The following ZNF423 variants were observed in gnomAD, a reference collection of about 807,000 sequenced individuals.
The protein encoded by ZNF423 is Ebf-associated zinc finger protein.
ZNF423 carries 12 observed loss-of-function variants against 95.8 expected under a neutral mutation model. That is an observed-to-expected ratio of 0.13 (90% CI 0.08 to 0.20). The LOEUF (loss-of-function observed/expected upper bound fraction) is 0.20, where lower values mean the gene tolerates loss of function less well. ZNF423 is among the 10% of genes least tolerant of loss of function. ZNF423 has a pLI of 1.00. For synonymous variants in ZNF423, 749 were observed against 711.9 expected (o/e 1.05, Z -0.83); for missense variants, 1,316 against 1,737.1 (o/e 0.76, Z 4.31).
chr16:49,528,121 C>T (rs10852598), intron 5 of ZNF423, among the ~76,000 whole-genome samples: 82,460 of 151,960 alleles, frequency 0.54, 22,962 homozygotes, highest in African/African-American at 0.65. Context: ...CAGGATTTAC[C>T]GCTCTCTGCC....
At chr16:49,594,188 GGGTGTTAGACCCTGGTTCA>G (rs1315412193) in intron 5 of ZNF423, among the ~76,000 whole-genome samples, 1 of 152,156 alleles carries the variant, frequency 6.6e-6, no homozygotes, top group Non-Finnish European at 1.5e-5. Context: ...AGATTGTGCA[GGGTGTTAGACCCTGGTTCA>G]GTTGTCTCTC....
At chr16:49,839,064 T>G (rs2144086353) in intron 1 of ZNF423, among the ~76,000 whole-genome samples, 6 of 76,254 alleles carry the variant, frequency 7.9e-5, no homozygotes, top group East Asian at 7.5e-4. Flanking sequence ...ATCCCCCCTC[T>G]TCCCCGCCTC....
At chr16:49,662,977 T>C (rs77218371) in intron 3 of ZNF423, among the ~76,000 whole-genome samples, 2 of 152,170 alleles carry the variant, frequency 1.3e-5, no homozygotes, top group Non-Finnish European at 2.9e-5. Flanking sequence ...CAACTCACTG[T>C]ATGATCTGAC....
intron 5 of ZNF423, among the ~76,000 whole-genome samples, chr16:49,545,475 C>T (rs112156512): frequency 7.4e-4 from 112 of 152,270 alleles, no homozygotes; most frequent in African/African-American, 2.5e-3. Flanking sequence ...CAACCCTGCT[C>T]AGAGCCTGTG....
chr16:49,664,472 G>A lies in ZNF423; in HGVS notation c.302-25598C>T, dbSNP rs192656519. Among the ~76,000 whole-genome samples, 1,449 of 152,338 alleles carry A rather than the reference G, an allele frequency of 9.5e-3. 11 individuals are homozygous for A. Among genetic ancestry groups the A allele is most frequent in the Middle Eastern group, 0.017 (5 of 294 alleles). ...AGGGATCCAGGCCCCGGGGGCGACCGAGGAGTTCTGGCTCCCCTGCCAGCT... is the reference window on the plus strand; with the variant it reads ...AGGGATCCAGGCCCCGGGGGCGACCAAGGAGTTCTGGCTCCCCTGCCAGCT... On this transcript the variant is annotated intron_variant, in intron 3 of 7. Transcript: ENST00000563137.
intron 7 of ZNF423, among the ~76,000 whole-genome samples, chr16:49,521,671 G>A (rs143876501): frequency 4.6e-5 from 7 of 152,272 alleles, no homozygotes; most frequent in South Asian, 4.1e-4. Context: ...TCTGTCCCAC[G>A]TTGTGACAAT....
intron 7 of ZNF423, among the ~76,000 whole-genome samples, chr16:49,515,611 G>C (rs113601871): frequency 1.3e-5 from 2 of 152,194 alleles, no homozygotes; most frequent in African/African-American, 4.8e-5. Flanking sequence ...AAAGTGCTCA[G>C]AACAGAGCCT....
chr16:49,848,834 G>A (rs1001814174), intron 1 of ZNF423, among the ~76,000 whole-genome samples: 2 of 152,158 alleles, frequency 1.3e-5, no homozygotes, highest in African/African-American at 2.4e-5. Flanking sequence ...GAGGCAGTTG[G>A]CAGCAGGGCA....
At chr16:49,727,216 ACG>A (rs1433273199) in intron 3 of ZNF423, among the ~76,000 whole-genome samples, 1 of 152,228 alleles carries the variant, frequency 6.6e-6, no homozygotes, top group Non-Finnish European at 1.5e-5. Context: ...CTTAAAGTCC[ACG>A]CTTCAACAGC....
intron 1 of ZNF423, among the ~76,000 whole-genome samples, chr16:49,848,008 G>A (rs1249987695): frequency 1.3e-5 from 2 of 152,044 alleles, no homozygotes; most frequent in Admixed American, 6.5e-5. Flanking sequence ...GGAGACTGAG[G>A]TGAGAGGACT....
At chr16:49,510,112 G>C (rs1351049594) in intron 7 of ZNF423, among the ~76,000 whole-genome samples, 1 of 152,172 alleles carries the variant, frequency 6.6e-6, no homozygotes, top group Non-Finnish European at 1.5e-5. Flanking sequence ...TGTGAAAGAG[G>C]GACAGTGATA....
chr16:49,508,513 T>TAAA (rs35061120), intron 7 of ZNF423, among the ~76,000 whole-genome samples: 110 of 101,852 alleles, frequency 1.1e-3, no homozygotes, highest in South Asian at 3.3e-3. Flanking sequence ...TTCTCTTTCT[T>TAAA]AAAAAAAAAA....
rs3803667 is a variant in ZNF423 at position 49,636,479 on chromosome 16, A to G, written c.2697T>C (p.Cys899=). Residue 899 remains cysteine (C), a synonymous_variant, in exon 4 of 8, where the codon TGT becomes TGC. Coordinates refer to ENST00000563137, the MANE Select transcript of ZNF423 (RefSeq NM_001379286.1). The surrounding 1 kb of genome is among the most constrained non-coding windows in gnomAD (Gnocchi z 8.6). ...GCACCTCCATGGTGTAGGCCGCCCC[A>G]CAGATGTCACAGCCGTACATGGGCT... ...ASEPMYGCDI[C]GAAYTMEVLL... 342,195 of 1,613,386 alleles carry G rather than the reference A, an allele frequency of 0.21. 37,581 individuals are homozygous for G. The highest frequency in any genetic ancestry group is 0.32 in the Admixed American group (19,189 of 60,004).
chr16:49,614,440 T>C (rs1276211306), intron 5 of ZNF423, among the ~76,000 whole-genome samples: 1 of 152,024 alleles, frequency 6.6e-6, no homozygotes, highest in African/African-American at 2.4e-5. Context: ...GCAATTGCAC[T>C]CTTGGGAATT....
intron 2 of ZNF423, among the ~76,000 whole-genome samples, chr16:49,788,442 A>G (rs944957604): frequency 2.6e-5 from 4 of 152,232 alleles, no homozygotes; most frequent in Non-Finnish European, 4.4e-5. Context: ...GTAAGTCACA[A>G]ATGTCTATAA....
intron 3 of ZNF423, among the ~76,000 whole-genome samples, chr16:49,717,102 T>C (rs529802845): frequency 6.6e-6 from 1 of 152,100 alleles, no homozygotes; most frequent in Non-Finnish European, 1.5e-5. Context: ...AAAACATCAC[T>C]CCTTACACAT....
intron 1 of ZNF423, among the ~76,000 whole-genome samples, chr16:49,842,415 AGGC>A (rs760082810): frequency 0.11 from 10,087 of 90,882 alleles, 440 homozygotes; most frequent in Admixed American, 0.12. Context: ...GAAGGAAGGC[AGGC>A]AGGCAGGCAG....
intron 7 of ZNF423, among the ~76,000 whole-genome samples, chr16:49,505,707 A>T (rs1967606379): frequency 6.6e-6 from 1 of 152,186 alleles, no homozygotes. Flanking sequence ...CAGTCCAGAG[A>T]GGGGGTCCAA....
intron 3 of ZNF423, among the ~76,000 whole-genome samples, chr16:49,651,947 G>A (rs59787066): frequency 0.036 from 5,458 of 152,218 alleles, 316 homozygotes; most frequent in African/African-American, 0.12. Flanking sequence ...AACTCAACCT[G>A]CCAAAATTCT....
Sources: allele counts gnomAD v4.1 joint callset (sites outside exome capture counted in the v4.1 genomes callset), GRCh38; gene constraint gnomAD v4.1.1; non-coding constraint Gnocchi (gnomAD v3.1); transcripts MANE v1.5; gene names NCBI Gene and HGNC (gene_info 2026-07-23, HGNC 2026-07-21).